Variants in MON2 observed in about 807,000 individuals in gnomAD.
MON2 encodes MON2 regulator of endosome-to-Golgi trafficking, also known as protein MON2 homolog.
A neutral mutation model predicts 208.6 loss-of-function variants in MON2; 84 were observed. The observed-to-expected ratio is 0.40, with a 90% confidence interval of 0.34 to 0.48. The LOEUF is 0.48. MON2 is among the 20% of genes least tolerant of loss of function. The pLI is 0.59. For synonymous variants in MON2, 660 were observed against 694.0 expected (o/e 0.95, Z 0.77); for missense variants, 1,611 against 2,015.4 (o/e 0.80, Z 3.84).
intron 1 of MON2, among the ~76,000 whole-genome samples, chr12:62,471,176 A>G (rs1413612545): frequency 6.6e-6 from 1 of 152,006 alleles, no homozygotes; most frequent in Admixed American, 6.6e-5. Flanking sequence ...GTTTTGGGGG[A>G]AAATGAGTAG....
intron 12 of MON2, among the ~76,000 whole-genome samples, chr12:62,534,382 G>A (rs186013653): frequency 2.0e-4 from 30 of 150,330 alleles, no homozygotes; most frequent in African/African-American, 6.9e-4. Context: ...AGCCAGGTGT[G>A]GTGGCGTGTG....
In MON2 at chr12:62,494,669, A is replaced by T. The variant is rs140135873; in HGVS notation, c.304-347A>T. Among the ~76,000 whole-genome samples, 9 of 152,322 alleles carry T rather than the reference A, an allele frequency of 5.9e-5. No individual in the cohort carries two copies. In the East Asian group the frequency reaches 1.7e-3, roughly 29 times the overall value. ...TAAATGAAGTATTTGTATCTGAAAC[A>T]GCAGGCTCATAGCTAATTTGCATAT... On this transcript the variant is annotated intron_variant, in intron 3 of 34. Coordinates refer to ENST00000393630, the MANE Select transcript of MON2 (RefSeq NM_015026.3).
At chr12:62,537,839 A>G (rs2073049604) in intron 16 of MON2, 133 bp downstream of exon 16, 1 of 753,176 alleles carries the variant, frequency 1.3e-6, no homozygotes, top group Non-Finnish European at 2.1e-6. Flanking sequence ...AAGAGAAGTT[A>G]GAAAGGGAAA....
chr12:62,549,017 G>A (rs760597142), intron 22 of MON2, among the ~76,000 whole-genome samples: 3 of 152,068 alleles, frequency 2.0e-5, no homozygotes, highest in Non-Finnish European at 4.4e-5. Context: ...GATACAGTGA[G>A]GAGAAAAATA....
intron 8 of MON2, among the ~76,000 whole-genome samples, chr12:62,512,272 G>C (rs921756194): frequency 2.6e-5 from 4 of 152,062 alleles, no homozygotes; most frequent in Non-Finnish European, 5.9e-5. Context: ...CAGTCCAAAG[G>C]CTCAACTGAG....
At chr12:62,579,071 A>C (rs1370632964) in intron 31 of MON2, among the ~76,000 whole-genome samples, 3 of 150,538 alleles carry the variant, frequency 2.0e-5, no homozygotes, top group Non-Finnish European at 4.4e-5. Context: ...CACCATCTCT[A>C]CAAAAAAAAA....
chr12:62,507,315 C>CTTTTTTTTTTTTT (rs112565800), intron 7 of MON2, among the ~76,000 whole-genome samples: 2 of 142,788 alleles, frequency 1.4e-5, no homozygotes, highest in African/African-American at 2.6e-5. Flanking sequence ...TTTTCTTTTT[C>CTTTTTTTTTTTTT]TTTTTTTTTT....
rs1417009307 is a variant in MON2, at chr12:62,596,196, C to T, written c.*3447C>T. Reference sequence around the variant, plus strand: ...TTAGAAAACAACTCAAAAGTATATTCTTTATTAATGAGGTGGTCATTATTA... The same window carrying T: ...TTAGAAAACAACTCAAAAGTATATTTTTTATTAATGAGGTGGTCATTATTA... On this transcript the variant is annotated 3_prime_UTR_variant, in exon 35 of 35. Transcript: ENST00000393630. The T allele has an allele frequency of 6.6e-6, 1 of 152,248 alleles. No homozygotes were observed. Among genetic ancestry groups the T allele is most frequent in the East Asian group, 1.9e-4 (1 of 5,188 alleles). The allele number at this position is 152,248 out of a possible 1,614,324, so 9.4% of individuals were successfully genotyped here. A position where few individuals can be genotyped will look rare whatever the true frequency, so the allele number is the denominator to read the frequency against.
In MON2 at chr12:62,538,307, G is replaced by A. The variant is rs753201714; in HGVS notation, c.2255G>A (p.Arg752Lys). 1.9e-6 allele frequency: 3 copies of A among 1,612,904 alleles called. No homozygotes were observed. The highest frequency in any genetic ancestry group is 2.5e-6 in the Non-Finnish European group (3 of 1,178,994). ...DLPVISNILS[R>K]LFESSQYLDD... ...CCAGTGATTTCCAATATACTTTCAA[G>A]ATTGTTTGAAAGCTCACAGTAAGAG... The change falls in exon 18 of 35, where the codon AGA becomes AAA. Residue 752 changes from arginine (R) to lysine (K), a missense_variant. By Grantham distance (26) the Arg-to-Lys change is conservative (BLOSUM62 2). Coordinates refer to ENST00000393630, the MANE Select transcript of MON2 (RefSeq NM_015026.3).
At chr12:62,525,261 TAAG>T in intron 10 of MON2, 41 bp downstream of exon 10, 3 of 1,600,466 alleles carry the variant, frequency 1.9e-6, no homozygotes, top group African/African-American at 2.7e-5. Context: ...TATTCTGCCG[TAAG>T]TTACAGTATT....
At chr12:62,479,703 T>G (rs1189721354) in intron 1 of MON2, among the ~76,000 whole-genome samples, 1 of 152,226 alleles carries the variant, frequency 6.6e-6, no homozygotes, top group East Asian at 1.9e-4. Context: ...TAGATTGTCC[T>G]CAGCAGTAGA....
intron 30 of MON2, among the ~76,000 whole-genome samples, chr12:62,575,784 T>G (rs1221775356): frequency 6.6e-6 from 1 of 152,164 alleles, no homozygotes; most frequent in African/African-American, 2.4e-5. Flanking sequence ...AAAGACAAAG[T>G]TGAAAAACAC....
intron 30 of MON2, among the ~76,000 whole-genome samples, chr12:62,575,733 A>G (rs953010737): frequency 1.3e-5 from 2 of 152,246 alleles, no homozygotes; most frequent in Non-Finnish European, 2.9e-5. Flanking sequence ...AAGCCTTTGC[A>G]TGTCGTTGAG....
chr12:62,553,377 GTCT>G (rs1197358447), intron 24 of MON2: 1 of 479,720 alleles, frequency 2.1e-6, no homozygotes, highest in Non-Finnish European at 3.6e-6. Context: ...CTCTGTTTCT[GTCT>G]TCATCTCTTA....
intron 1 of MON2, among the ~76,000 whole-genome samples, chr12:62,476,078 T>G (rs2135965070): frequency 6.6e-6 from 1 of 152,284 alleles, no homozygotes; most frequent in Non-Finnish European, 1.5e-5. Context: ...ATATTTTTAG[T>G]TATATACATG....
At chr12:62,519,688 T>A (rs2071905251) in intron 8 of MON2, among the ~76,000 whole-genome samples, 1 of 152,250 alleles carries the variant, frequency 6.6e-6, no homozygotes, top group South Asian at 2.1e-4. Context: ...TTTTTTGGGT[T>A]GACACATAAC....
chr12:62,489,890 T>C, intron 2 of MON2: 2 of 309,050 alleles, frequency 6.5e-6, no homozygotes, highest in Non-Finnish European at 1.1e-5. Flanking sequence ...ATTTTGAGTA[T>C]CAAAATAATG....
intron 22 of MON2, among the ~76,000 whole-genome samples, chr12:62,548,640 A>G (rs2073604448): frequency 6.6e-6 from 1 of 152,206 alleles, no homozygotes; most frequent in Non-Finnish European, 1.5e-5. Flanking sequence ...GCTTAGATCA[A>G]GCTTAAGTGT....
intron 19 of MON2, among the ~76,000 whole-genome samples, chr12:62,540,305 C>T (rs927943593): frequency 1.3e-5 from 2 of 152,058 alleles, no homozygotes; most frequent in East Asian, 1.9e-4. Context: ...ATGAGAGTCT[C>T]AATAAATAAT....
Sources: allele counts gnomAD v4.1 joint callset (sites outside exome capture counted in the v4.1 genomes callset), GRCh38; gene constraint gnomAD v4.1.1; transcripts MANE v1.5; gene names NCBI Gene and HGNC (gene_info 2026-07-23, HGNC 2026-07-21).